PALS1: variants seen among roughly 807,000 people sequenced by gnomAD.
The protein encoded by PALS1 is protein PALS1.
A neutral mutation model predicts 78.9 loss-of-function variants in PALS1; 31 were observed. The ratio of observed to expected loss-of-function variants is 0.39; its 90% CI spans 0.30 to 0.53. PALS1 has a LOEUF of 0.53. PALS1 is among the 20% of genes least tolerant of loss of function. PALS1 has a pLI of 0.67. For synonymous variants in PALS1, 276 were observed against 270.9 expected (o/e 1.02, Z -0.18); for missense variants, 704 against 826.5 (o/e 0.85, Z 1.82).
At chr14:67,283,452 A>G (rs192728170) in intron 3 of PALS1, among the ~76,000 whole-genome samples, 7 of 152,308 alleles carry the variant, frequency 4.6e-5, no homozygotes, top group Admixed American at 3.9e-4. Context: ...GTTTATTTCA[A>G]GCCAACAGAC....
chr14:67,328,402 A>G (rs2085393138), intron 14 of PALS1, among the ~76,000 whole-genome samples: 2 of 152,156 alleles, frequency 1.3e-5, no homozygotes, highest in Non-Finnish European at 1.5e-5. Flanking sequence ...AGATGGGTAG[A>G]TGGTAAAAAT....
intron 9 of PALS1, among the ~76,000 whole-genome samples, chr14:67,313,742 C>G (rs1348619006): frequency 6.6e-6 from 1 of 152,102 alleles, no homozygotes; most frequent in Non-Finnish European, 1.5e-5. Context: ...CGCTTACATA[C>G]TTTACTTGAA....
rs1359587558 is a variant in PALS1, at chr14:67,312,687, A to G, written c.1202A>G (p.Gln401Arg). 1.2e-6 allele frequency: 2 copies of G among 1,610,886 alleles called. No individual in the cohort carries two copies. The highest frequency in any genetic ancestry group is 1.7e-6 in the Non-Finnish European group (2 of 1,178,258). ...TACAGGGAAGGGGACGAAGATAATC[A>G]ACCTCTAGCCGGGCTTGTTCCAGGT... Reference protein sequence around the residue: ...QAYREGDEDNQPLAGLVPGKS... With the variant: ...QAYREGDEDNRPLAGLVPGKS... Residue 401 changes from glutamine (Q) to arginine (R), a missense_variant, in exon 9 of 15, where the codon CAA becomes CGA. By Grantham distance (43) the Gln-to-Arg change is conservative. Coordinates refer to ENST00000261681, the MANE Select transcript of PALS1 (RefSeq NM_022474.4).
intron 1 of PALS1, among the ~76,000 whole-genome samples, chr14:67,249,778 C>T (rs913699502): frequency 1.3e-5 from 2 of 152,164 alleles, no homozygotes; most frequent in Non-Finnish European, 2.9e-5. Flanking sequence ...GAGAATGTAA[C>T]TTAAAATACA....
At chr14:67,310,529 A>G (rs1566569910) in intron 8 of PALS1, among the ~76,000 whole-genome samples, 1 of 152,142 alleles carries the variant, frequency 6.6e-6, no homozygotes, top group Non-Finnish European at 1.5e-5. Flanking sequence ...GTTGATTTGG[A>G]TGCTAGTTAT....
chr14:67,310,093 G>C (rs1392962478), intron 8 of PALS1, among the ~76,000 whole-genome samples: 1 of 150,158 alleles, frequency 6.7e-6, no homozygotes, highest in African/African-American at 2.5e-5. Flanking sequence ...CATATTTCTA[G>C]ATAAAACTAC....
chr14:67,302,076 T>C lies in PALS1; in HGVS notation c.759T>C (p.Thr253=), dbSNP rs779470836. 1 of 1,608,602 alleles carries C rather than the reference T, an allele frequency of 6.2e-7. No homozygotes were observed. The highest frequency in any genetic ancestry group is 8.5e-7 in the Non-Finnish European group (1 of 1,177,450). ...GTATTGGCCAGTATGGAGGAGAAAC[T>C]GTAAAAATAGTTCGTATAGAAAAGG... is the stretch of plus-strand genomic sequence containing the variant. ...YESIGQYGGE[T]VKIVRIEKAR... Residue 253 remains threonine (T), a synonymous_variant, in exon 6 of 15, where the codon ACT becomes ACC. Coordinates refer to ENST00000261681, the MANE Select transcript of PALS1 (RefSeq NM_022474.4).
Position 67,303,585 on chromosome 14 carries a change from G to A in PALS1, c.1027G>A (p.Ala343Thr). The A allele has an allele frequency of 6.2e-7, 1 of 1,612,812 alleles. No homozygotes were observed. The change falls in exon 8 of 15, where the codon GCC (alanine) becomes ACC (threonine). Residue 343 changes from alanine (A) to threonine (T), a missense_variant. Transcript: ENST00000261681. ...IPSQQIKPPP[A>T]KETVIHVKAH... ...CAGTCAACAGATCAAGCCGCCTCCT[G>A]CCAAGGAAACAGTAGTAAGTGATTT... is the stretch of plus-strand genomic sequence containing the variant.
intron 8 of PALS1, among the ~76,000 whole-genome samples, chr14:67,311,233 C>T (rs1374641372): frequency 1.3e-5 from 2 of 151,456 alleles, no homozygotes; most frequent in African/African-American, 4.9e-5. Flanking sequence ...ATCACTTGAA[C>T]CCGGGAGATG....
At chr14:67,323,605 C>T (rs953166593) in intron 13 of PALS1, 97 bp from the exon 14 acceptor site, 4 of 280,862 alleles carry the variant, frequency 1.4e-5, no homozygotes, top group African/African-American at 9.8e-5. Context: ...CAGAGCAAGT[C>T]CCTTAATCTA....
intron 8 of PALS1, among the ~76,000 whole-genome samples, chr14:67,309,530 T>C (rs565889963): frequency 2.0e-4 from 30 of 152,296 alleles, no homozygotes; most frequent in South Asian, 1.0e-3. Flanking sequence ...CTTCCCAGCC[T>C]ACACAAAGAG....
At chr14:67,261,198 T>TG (rs2084231202) in intron 1 of PALS1, among the ~76,000 whole-genome samples, 1 of 152,132 alleles carries the variant, frequency 6.6e-6, no homozygotes, top group South Asian at 2.1e-4. Context: ...AAAGGGACAC[T>TG]GTTGTGGTGG....
chr14:67,290,758 C>T (rs2084758816), intron 3 of PALS1, among the ~76,000 whole-genome samples: 1 of 151,994 alleles, frequency 6.6e-6, no homozygotes, highest in Non-Finnish European at 1.5e-5. Flanking sequence ...TGGTCTCCAC[C>T]TCCTGGACTC....
At chr14:67,263,164 CTGT>C (rs937874096) in intron 1 of PALS1, among the ~76,000 whole-genome samples, 5 of 152,056 alleles carry the variant, frequency 3.3e-5, no homozygotes, top group African/African-American at 1.2e-4. Flanking sequence ...AGGGAATTTT[CTGT>C]TGATGAAAAA....
At chr14:67,267,013 G>A (rs548441673) in intron 1 of PALS1, among the ~76,000 whole-genome samples, 160 of 151,988 alleles carry the variant, frequency 1.1e-3, no homozygotes, top group African/African-American at 3.7e-3. Context: ...AGGCTGAAGC[G>A]GGAAGATCAC....
chr14:67,325,979 C>CTTTTTTTTTTTTTTTT (rs61592505), intron 14 of PALS1, among the ~76,000 whole-genome samples: 5 of 110,222 alleles, frequency 4.5e-5, no homozygotes, highest in African/African-American at 1.6e-4. Context: ...CGGCTCTTTT[C>CTTTTTTTTTTTTTTTT]TTTTTTTTTT....
At chr14:67,275,694 T>C (rs2084491934) in intron 2 of PALS1, among the ~76,000 whole-genome samples, 1 of 152,228 alleles carries the variant, frequency 6.6e-6, no homozygotes, top group African/African-American at 2.4e-5. Context: ...TCAGAAGGAA[T>C]GGTACCAGCT....
At chr14:67,331,066 A>G (rs1283396050) in intron 14 of PALS1, among the ~76,000 whole-genome samples, 1 of 151,262 alleles carries the variant, frequency 6.6e-6, no homozygotes, top group African/African-American at 2.4e-5. Context: ...TTTTTTTGAG[A>G]CAGAGTCTCA....
chr14:67,271,044 A>AT (rs2084399543), intron 2 of PALS1: 1 of 152,196 alleles, frequency 6.6e-6, no homozygotes, highest in Admixed American at 6.5e-5. Flanking sequence ...TCTTGGATTC[A>AT]TTTTTTGAGT....
Sources: allele counts gnomAD v4.1 joint callset (sites outside exome capture counted in the v4.1 genomes callset), GRCh38; gene constraint gnomAD v4.1.1; transcripts MANE v1.5; gene names NCBI Gene and HGNC (gene_info 2026-07-23, HGNC 2026-07-21).